PI4KA: variants seen among roughly 807,000 people sequenced by gnomAD.
PI4KA encodes the protein phosphatidylinositol 4-kinase alpha.
PI4KA carries 122 observed loss-of-function variants against 271.4 expected under a neutral mutation model. The observed-to-expected ratio is 0.45, with a 90% confidence interval of 0.39 to 0.52. PI4KA has a LOEUF of 0.52. Among genes scored for constraint, PI4KA ranks in the 20% least tolerant of loss-of-function variants. PI4KA has a pLI of 0.00. For synonymous variants in PI4KA, 1,041 were observed against 1,078.8 expected (o/e 0.96, Z 0.69); for missense variants, 1,969 against 2,769.1 (o/e 0.71, Z 6.48).
Position 20,852,343 on chromosome 22 carries a change from G to A in PI4KA, c.156+6227C>T, listed in dbSNP as rs148054044. ...TGCCCCCTGGGGAGACAAACAGCTG[G>A]TGACACAGGAGGGCACTGAGGGAAG... On this transcript the variant is annotated intron_variant, in intron 1 of 54. Coordinates refer to ENST00000255882, the MANE Select transcript of PI4KA (RefSeq NM_058004.4). Among the ~76,000 whole-genome samples the A allele has an allele frequency of 2.6e-4, 40 of 152,268 alleles. No homozygotes were observed. The East Asian group carries it at 6.2e-3, about 23-fold the overall frequency.
intron 35 of PI4KA, among the ~76,000 whole-genome samples, chr22:20,733,439 T>G (rs1180815797): frequency 6.7e-6 from 1 of 149,328 alleles, no homozygotes; most frequent in Non-Finnish European, 1.5e-5. Flanking sequence ...CTTCGTGCAA[T>G]AAGCCTTCAC....
At chr22:20,793,169 A>G (rs749316533) in intron 19 of PI4KA, 24 bp downstream of exon 19, 31 of 1,387,864 alleles carry the variant, frequency 2.2e-5, no homozygotes, top group Non-Finnish European at 2.7e-5. Flanking sequence ...TGCAGTTTTT[A>G]TCATTCAATT....
At chr22:20,744,572 G>T in intron 30 of PI4KA, 56 bp downstream of exon 30, 2 of 1,240,582 alleles carry the variant, frequency 1.6e-6, no homozygotes, top group Non-Finnish European at 2.4e-6. Context: ...CGGCCAACAG[G>T]CCTCAAAACA....
At chr22:20,834,190 A>G (rs1040683256) in intron 3 of PI4KA, among the ~76,000 whole-genome samples, 1 of 152,148 alleles carries the variant, frequency 6.6e-6, no homozygotes, top group Non-Finnish European at 1.5e-5. Context: ...TAATCTGGAA[A>G]ACTGACCTCA....
intron 44 of PI4KA, chr22:20,717,986 T>C: frequency 1.8e-6 from 1 of 556,570 alleles, no homozygotes; most frequent in Non-Finnish European, 3.4e-6. Flanking sequence ...GGCTGTTTTC[T>C]GGCAGGCTCT....
At chr22:20,786,980 G>T (rs765992261) in intron 19 of PI4KA, 1 of 1,614,130 alleles carries the variant, frequency 6.2e-7, no homozygotes, top group Non-Finnish European at 8.5e-7. Flanking sequence ...CTTCACTGTC[G>T]ACCGCCCCTT....
At chr22:20,820,954 C>T (rs368421483) in intron 4 of PI4KA, among the ~76,000 whole-genome samples, 5 of 152,348 alleles carry the variant, frequency 3.3e-5, no homozygotes, top group Admixed American at 6.5e-5. Context: ...AACGCCCTAG[C>T]GCTTTTCAAC....
At chr22:20,834,109 G>C (rs1473949431) in intron 3 of PI4KA, among the ~76,000 whole-genome samples, 1 of 152,084 alleles carries the variant, frequency 6.6e-6, no homozygotes, top group Admixed American at 6.6e-5. Context: ...ACAAAGTGAT[G>C]AAACTATTTA....
chr22:20,768,730 G>C (rs952586152), intron 19 of PI4KA, among the ~76,000 whole-genome samples: 1 of 152,198 alleles, frequency 6.6e-6, no homozygotes, highest in African/African-American at 2.4e-5. Context: ...AGTGGGCCAA[G>C]ACCTGGGGGT....
chr22:20,780,286 T>C, intron 19 of PI4KA: 1 of 1,587,286 alleles, frequency 6.3e-7, no homozygotes, highest in Non-Finnish European at 8.6e-7. Context: ...AGAACTGTAC[T>C]GTAGCTATAA....
intron 32 of PI4KA, among the ~76,000 whole-genome samples, chr22:20,738,361 T>C (rs1002651135): frequency 6.6e-6 from 1 of 152,134 alleles, no homozygotes; most frequent in Non-Finnish European, 1.5e-5. Flanking sequence ...CCAGAGCAAG[T>C]TATCAGTTAC....
At chr22:20,725,299 C>A (rs5751802) in intron 42 of PI4KA, 89,051 of 200,104 alleles carry the variant, frequency 0.45, 20,199 homozygotes, top group East Asian at 0.53. Context: ...AGGGCAGAGG[C>A]GGCTCGGGCT....
intron 28 of PI4KA, 31 bp from the exon 29 acceptor site, chr22:20,747,733 T>C (rs1160619224): frequency 6.2e-7 from 1 of 1,603,856 alleles, no homozygotes; most frequent in African/African-American, 1.3e-5. Context: ...GGGGTTTCAG[T>C]TATTTATCTG....
chr22:20,857,969 G>C (rs1927814259), intron 1 of PI4KA, among the ~76,000 whole-genome samples: 1 of 152,134 alleles, frequency 6.6e-6, no homozygotes, highest in South Asian at 2.1e-4. Flanking sequence ...CCCTGCCACT[G>C]TCCCTTCTGC....
intron 44 of PI4KA, 57 bp from the exon 45 acceptor site, chr22:20,717,835 G>A: frequency 7.8e-7 from 1 of 1,288,528 alleles, no homozygotes; most frequent in South Asian, 1.3e-5. Context: ...GCTGCTGGGG[G>A]ACAGCCCAGG....
intron 19 of PI4KA, among the ~76,000 whole-genome samples, chr22:20,770,551 T>G (rs1932824817): frequency 9.0e-5 from 12 of 133,454 alleles, no homozygotes; most frequent in East Asian, 2.2e-4. Context: ...GAGAGATCGG[T>G]TTTGCTATGT....
Position 20,814,684 on chromosome 22 carries a change from G to C in PI4KA, c.857-1178C>G, listed in dbSNP as rs142398201. Among the ~76,000 whole-genome samples, 1,386 of 151,940 alleles carry C rather than the reference G, an allele frequency of 9.1e-3. 26 individuals carry two copies. Among genetic ancestry groups the C allele is most frequent in the African/African-American group, 0.031 (1,290 of 41,404 alleles). ...GGTTGCTTGAGCCTGGGAGGTCGAG[G>C]CTACAGTGGAGCTATGAATTTGTCA... is the stretch of plus-strand genomic sequence containing the variant. On this transcript the variant is annotated intron_variant, in intron 7 of 54. Transcript: ENST00000255882.
At position 20,717,713 on chromosome 22, in the gene PI4KA, T is replaced by C; in HGVS notation, c.5312A>G (p.Gln1771Arg). 6.3e-7 allele frequency: 1 copy of C among 1,579,616 alleles called. No individual in the cohort carries two copies. Among genetic ancestry groups the C allele is most frequent in the Non-Finnish European group, 8.6e-7 (1 of 1,161,110 alleles). The change falls in exon 45 of 55, where the codon CAG (glutamine) becomes CGG (arginine). Residue 1771 changes from glutamine (Q) to arginine (R), a missense_variant. Transcript: ENST00000255882. The stretch of plus-strand genomic sequence containing the variant: ...TCCAGAAGCCACCTGCTCACCCGGC[T>C]GCACCTTCACTTCAGACAGGGCCGA... The part of the protein sequence containing the change: ...CLSALSEVKV[Q>R]PGCYLPSNPE...
rs897953303 is a variant in PI4KA, at chr22:20,802,011, G to A, written c.1686C>T (p.Tyr562=). 19 of 1,614,038 alleles carry A rather than the reference G, an allele frequency of 1.2e-5. No homozygotes were observed. Among genetic ancestry groups the A allele is most frequent in the Admixed American group, 5.0e-5 (3 of 60,008 alleles). ...CAATAGCGATGTCTCGGAGCTGCTCGTACATGGAGGGCTGGCTCTTCTTAC... is the reference window on the plus strand; with the variant it reads ...CAATAGCGATGTCTCGGAGCTGCTCATACATGGAGGGCTGGCTCTTCTTAC... ...MSGKKSQPSM[Y]EQLRDIAIDN... The change falls in exon 14 of 55, where the codon TAC becomes TAT. Residue 562 remains tyrosine, a synonymous_variant. Transcript: ENST00000255882.
Sources: gnomAD v4.1 joint callset for allele counts (sites outside exome capture counted in the v4.1 genomes callset) on GRCh38, gnomAD v4.1.1 for gene constraint, MANE v1.5 for transcripts, NCBI Gene and HGNC (gene_info 2026-07-23, HGNC 2026-07-21) for gene names.